Variants in THADA observed in about 807,000 individuals in gnomAD.
THADA encodes the protein tRNA (32-2'-O)-methyltransferase regulator THADA.
A neutral mutation model predicts 219.8 loss-of-function variants in THADA; 213 were observed. The ratio of observed to expected loss-of-function variants is 0.97; its 90% CI spans 0.87 to 1.09. The LOEUF is 1.09. THADA is among the 50% of genes least tolerant of loss of function. The pLI, the probability that THADA is intolerant of heterozygous loss-of-function variation, is 0.00. For missense variants in THADA, 2,956 were observed against 2,311.3 expected, an observed-to-expected ratio of 1.28 and a Z score of -5.72; for synonymous variants, 1,018 against 828.9, an observed-to-expected ratio of 1.23 and a Z score of -3.92.
intron 25 of THADA, among the ~76,000 whole-genome samples, chr2:43,487,492 C>G (rs2105020161): frequency 6.6e-6 from 1 of 152,276 alleles, no homozygotes; most frequent in Non-Finnish European, 1.5e-5. Context: ...AGACTGACGG[C>G]AGGAGACACA....
At chr2:43,284,046 G>A (rs185716734) in intron 35 of THADA, among the ~76,000 whole-genome samples, 4 of 152,314 alleles carry the variant, frequency 2.6e-5, no homozygotes, top group Admixed American at 2.6e-4. Flanking sequence ...AGGCATGGTG[G>A]TGGGCACCTG....
At chr2:43,555,746 T>A (rs921591224) in intron 17 of THADA, among the ~76,000 whole-genome samples, 3 of 152,180 alleles carry the variant, frequency 2.0e-5, no homozygotes, top group Admixed American at 6.5e-5. Flanking sequence ...TAATAATTTT[T>A]AACTCTCTTT....
intron 25 of THADA, among the ~76,000 whole-genome samples, chr2:43,487,351 C>A (rs1687038119): frequency 1.3e-5 from 2 of 152,128 alleles, no homozygotes; most frequent in South Asian, 4.1e-4. Flanking sequence ...CTGACAAAGG[C>A]TGCCAGATGC....
intron 21 of THADA, among the ~76,000 whole-genome samples, chr2:43,535,480 A>G (rs1694455852): frequency 6.6e-6 from 1 of 151,504 alleles, no homozygotes. Flanking sequence ...GGAGTCTGAG[A>G]CCAGTCTGGC....
intron 26 of THADA, among the ~76,000 whole-genome samples, chr2:43,473,539 T>C (rs534234628): frequency 6.6e-5 from 10 of 152,270 alleles, no homozygotes; most frequent in African/African-American, 2.4e-4. Context: ...AAAAGATATA[T>C]TATAGTAAAT....
chr2:43,400,466 TATATATATATAA>T lies in THADA; in HGVS notation c.4059-2339_4059-2328del, dbSNP rs536049123. Among the ~76,000 whole-genome samples, 62 of 143,072 alleles carry T rather than the reference TATATATATATAA, an allele frequency of 4.3e-4. 3 individuals carry two copies. Among genetic ancestry groups the T allele is most frequent in the African/African-American group, 9.3e-4 (36 of 38,714 alleles). 93.9% of individuals were successfully genotyped at this position (143,072 alleles called of 152,430 possible). ...TAGATCATAGACAAATTTATATATA[TATATATATATAA>T]ATATATACACTAAGAAAAAAAATTT... On this transcript the variant is annotated intron_variant, in intron 28 of 37. Coordinates refer to ENST00000405975, the MANE Select transcript of THADA (RefSeq NM_022065.5).
chr2:43,365,901 G>T (rs1350397654), intron 29 of THADA, among the ~76,000 whole-genome samples: 1 of 152,078 alleles, frequency 6.6e-6, no homozygotes, highest in Non-Finnish European at 1.5e-5. Flanking sequence ...ATCTAATGAG[G>T]GGTGCAAGGG....
intron 1 of THADA, 44 bp from the exon 2 acceptor site, chr2:43,592,460 A>C: frequency 8.7e-7 from 1 of 1,152,394 alleles, no homozygotes; most frequent in South Asian, 1.4e-5. Flanking sequence ...AGGTTTCTCA[A>C]CCTCAGCACT....
At chr2:43,429,270 C>A (rs1223041865) in intron 27 of THADA, among the ~76,000 whole-genome samples, 1 of 151,378 alleles carries the variant, frequency 6.6e-6, no homozygotes, top group South Asian at 2.1e-4. Flanking sequence ...ACCAGCCTGG[C>A]TAATATTTGT....
chr2:43,473,375 G>A (rs72865204), intron 26 of THADA, among the ~76,000 whole-genome samples: 2,832 of 152,018 alleles, frequency 0.019, 40 homozygotes, highest in African/African-American at 0.047. Context: ...ACATTCTGTC[G>A]CACTGAAAGG....
chr2:43,232,580 G>T, intron 37 of THADA, 133 bp downstream of exon 37: 1 of 972,898 alleles, frequency 1.0e-6, no homozygotes, highest in Non-Finnish European at 1.5e-6. Flanking sequence ...GCAGCACCCA[G>T]TGGGTGACTT....
chr2:43,547,851 T>G (rs988255415), intron 20 of THADA, among the ~76,000 whole-genome samples: 1 of 152,238 alleles, frequency 6.6e-6, no homozygotes, highest in Non-Finnish European at 1.5e-5. Context: ...ATCTGAAGCC[T>G]TCTTCTCTCA....
chr2:43,545,744 T>A (rs1463627797), intron 20 of THADA, among the ~76,000 whole-genome samples: 1 of 151,900 alleles, frequency 6.6e-6, no homozygotes, highest in African/African-American at 2.4e-5. Context: ...TTTTATTGCG[T>A]CTATTTGATT....
At chr2:43,520,745 T>TACAC (rs1692321186) in intron 22 of THADA, among the ~76,000 whole-genome samples, 1 of 147,220 alleles carries the variant, frequency 6.8e-6, no homozygotes, top group African/African-American at 2.6e-5. Flanking sequence ...CACACACACA[T>TACAC]ATATATCAAC....
At chr2:43,301,915 G>A (rs184331909) in intron 31 of THADA, among the ~76,000 whole-genome samples, 3 of 152,294 alleles carry the variant, frequency 2.0e-5, no homozygotes, top group Admixed American at 2.0e-4. Context: ...AGATGAACAC[G>A]TGGTACTTAT....
chr2:43,503,731 T>C (rs1184212001), intron 24 of THADA, among the ~76,000 whole-genome samples: 1 of 152,008 alleles, frequency 6.6e-6, no homozygotes, highest in Non-Finnish European at 1.5e-5. Context: ...AAGCAAATTA[T>C]CAACTAAAAA....
At chr2:43,318,556 A>G (rs1213216323) in intron 31 of THADA, among the ~76,000 whole-genome samples, 1 of 152,172 alleles carries the variant, frequency 6.6e-6, no homozygotes, top group Non-Finnish European at 1.5e-5. Flanking sequence ...CCACATCTCA[A>G]GCGCTCAAGA....
At chr2:43,431,549 T>C (rs1679292320) in intron 26 of THADA, among the ~76,000 whole-genome samples, 1 of 150,828 alleles carries the variant, frequency 6.6e-6, no homozygotes, top group African/African-American at 2.4e-5. Flanking sequence ...CACTGCAACC[T>C]CCATCTCCTG....
At chr2:43,424,729 T>C (rs1678194342) in intron 28 of THADA, among the ~76,000 whole-genome samples, 1 of 152,228 alleles carries the variant, frequency 6.6e-6, no homozygotes, top group Non-Finnish European at 1.5e-5. Flanking sequence ...GGTAGGCTGA[T>C]GAAACCCCAA....
Sources: allele counts gnomAD v4.1 joint callset (sites outside exome capture counted in the v4.1 genomes callset), GRCh38; gene constraint gnomAD v4.1.1; transcripts MANE v1.5; gene names NCBI Gene and HGNC (gene_info 2026-07-23, HGNC 2026-07-21).